MYO1D: variants seen among roughly 807,000 people sequenced by gnomAD.
The protein encoded by MYO1D is myosin ID.
Under a neutral mutation model 122.0 loss-of-function variants are expected in MYO1D, and 83 were observed. The observed-to-expected ratio is 0.68, with a 90% CI of 0.57 to 0.82. MYO1D has a LOEUF of 0.82. Ranked by LOEUF, MYO1D falls within the 40% of genes least tolerant of loss-of-function variation. The pLI, the probability that MYO1D is intolerant of heterozygous loss-of-function variation, is 0.00. For synonymous variants in MYO1D, 464 were observed against 446.9 expected (o/e 1.04, Z -0.48); for missense variants, 1,157 against 1,269.5 (o/e 0.91, Z 1.35).
intron 21 of MYO1D, among the ~76,000 whole-genome samples, chr17:32,547,336 A>T (rs1037625390): frequency 3.9e-5 from 6 of 152,242 alleles, no homozygotes; most frequent in African/African-American, 1.4e-4. Flanking sequence ...CAGGCAATTT[A>T]CATTATGTTT....
At chr17:32,534,374 T>G (rs1324605476) in intron 21 of MYO1D, among the ~76,000 whole-genome samples, 6 of 152,168 alleles carry the variant, frequency 3.9e-5, no homozygotes, top group Non-Finnish European at 4.4e-5. Flanking sequence ...GGTCTTGCTA[T>G]GTTGCCCAGG....
intron 21 of MYO1D, among the ~76,000 whole-genome samples, chr17:32,524,391 ACTTTTT>A (rs1228512044): frequency 5.3e-5 from 8 of 152,140 alleles, no homozygotes; most frequent in Non-Finnish European, 1.0e-4. Context: ...ACATTTCATT[ACTTTTT>A]CTTTTTTTTT....
intron 16 of MYO1D, among the ~76,000 whole-genome samples, chr17:32,669,499 G>A (rs1055680498): frequency 1.3e-5 from 2 of 151,904 alleles, no homozygotes; most frequent in Non-Finnish European, 2.9e-5. Flanking sequence ...ACTTCTTTAG[G>A]TTTTTCACTT....
chr17:32,754,264 TC>T (rs1431172722), intron 11 of MYO1D, among the ~76,000 whole-genome samples: 9 of 152,330 alleles, frequency 5.9e-5, no homozygotes, highest in African/African-American at 2.2e-4. Context: ...TTAGGTGACT[TC>T]TAACTTTGCC....
At position 32,876,959 on chromosome 17, in the gene MYO1D, G is replaced by T. The variant is rs532828167; in HGVS notation, c.-87C>A. 3 of 757,948 alleles carry T rather than the reference G, an allele frequency of 4.0e-6. No homozygotes were observed. Among genetic ancestry groups the T allele is most frequent in the Admixed American group, 4.7e-5 (1 of 21,374 alleles). 47.0% of individuals were successfully genotyped at this position (757,948 alleles called of 1,614,324 possible). On this transcript the variant is annotated 5_prime_UTR_variant, in exon 1 of 22. Transcript: ENST00000318217. ...CGATGAGCTCGGGAGGGGCCGGGGC[G>T]AGGCCGCGCCGCGAGGCTACGGGGA...
At position 32,683,523 on chromosome 17, in the gene MYO1D, T is replaced by G. The variant is rs576633744; in HGVS notation, c.2122-24185A>C. On this transcript the variant is annotated intron_variant, in intron 16 of 21. Coordinates refer to ENST00000318217, the MANE Select transcript of MYO1D (RefSeq NM_015194.3). ...AATACCCTGCCGTGTGAGGTGTCAG[T>G]GTGCCCCTGCTGGGGGGTGCCTCCC... Among the ~76,000 whole-genome samples, 252 of 152,160 alleles carry G rather than the reference T, an allele frequency of 1.7e-3. 3 individuals carry two copies. The highest frequency in any genetic ancestry group is 5.8e-3 in the African/African-American group (240 of 41,484).
At chr17:32,553,108 A>C (rs77412545) in intron 21 of MYO1D, among the ~76,000 whole-genome samples, 25,848 of 148,900 alleles carry the variant, frequency 0.17, 2,918 homozygotes, top group Admixed American at 0.28. Flanking sequence ...CAAAACAAAA[A>C]AAAAAACAAA....
chr17:32,545,770 A>AT lies in MYO1D; in HGVS notation c.2865-50856dup, dbSNP rs67044833. Among the ~76,000 whole-genome samples the AT allele has an allele frequency of 2.3e-3, 326 of 141,480 alleles. 4 individuals are homozygous for AT. The highest frequency in any genetic ancestry group is 5.4e-3 in the African/African-American group (202 of 37,496). 92.8% of individuals were successfully genotyped at this position (141,480 alleles called of 152,430 possible). On this transcript the variant is annotated intron_variant, in intron 21 of 21. Transcript: ENST00000318217. Reference sequence around the variant, plus strand: ...CTCCAATTTCTGAAGTATCCAGGTGATTTTTTTTTTTTTTGGGGTTCCACA... The same window carrying AT: ...CTCCAATTTCTGAAGTATCCAGGTGATTTTTTTTTTTTTTTGGGGTTCCACA...
chr17:32,676,986 A>G (rs1374997814), intron 16 of MYO1D, among the ~76,000 whole-genome samples: 1 of 151,666 alleles, frequency 6.6e-6, no homozygotes, highest in Non-Finnish European at 1.5e-5. Flanking sequence ...AATTTTTTGT[A>G]TTTTTAGTAG....
chr17:32,500,377 CA>C (rs1401569007), intron 21 of MYO1D, among the ~76,000 whole-genome samples: 7 of 152,318 alleles, frequency 4.6e-5, no homozygotes, highest in African/African-American at 1.7e-4. Context: ...CTTCTAAACA[CA>C]AAGTGGCCAG....
intron 21 of MYO1D, among the ~76,000 whole-genome samples, chr17:32,591,487 T>C (rs577220305): frequency 6.6e-6 from 1 of 152,288 alleles, no homozygotes; most frequent in Non-Finnish European, 1.5e-5. Context: ...AACAGGATCC[T>C]GGTTCTGTGT....
chr17:32,530,407 G>A (rs903648311), intron 21 of MYO1D, among the ~76,000 whole-genome samples: 1 of 152,172 alleles, frequency 6.6e-6, no homozygotes, highest in South Asian at 2.1e-4. Context: ...GATGAGAAGA[G>A]AAAAAATTAC....
At chr17:32,662,930 T>G (rs2088588454) in intron 16 of MYO1D, among the ~76,000 whole-genome samples, 1 of 150,792 alleles carries the variant, frequency 6.6e-6, no homozygotes, top group African/African-American at 2.4e-5. Context: ...TTTTTTTTTT[T>G]TTTTTGAGAC....
At chr17:32,761,324 C>T (rs1041655762) in intron 8 of MYO1D, among the ~76,000 whole-genome samples, 11 of 152,188 alleles carry the variant, frequency 7.2e-5, no homozygotes, top group Admixed American at 6.5e-4. Flanking sequence ...CACTTACATC[C>T]TATTACTCCA....
At chr17:32,539,276 T>TACACACACACACACACAC (rs5819986) in intron 21 of MYO1D, among the ~76,000 whole-genome samples, 3 of 133,516 alleles carry the variant, frequency 2.2e-5, no homozygotes, top group Admixed American at 1.5e-4. Context: ...ACCCTGTCTC[T>TACACACACACACACACAC]ACACACACAC....
intron 19 of MYO1D, among the ~76,000 whole-genome samples, chr17:32,641,567 C>T (rs1179749029): frequency 3.3e-5 from 5 of 152,272 alleles, no homozygotes; most frequent in Middle Eastern, 3.4e-3. Flanking sequence ...AAAAGTGTTC[C>T]TATTTCTCCA....
intron 20 of MYO1D, chr17:32,632,568 TATATATATATATATATATACAC>T (rs1169648363): frequency 2.1e-5 from 1 of 46,896 alleles, no homozygotes; most frequent in Non-Finnish European, 4.2e-5. Context: ...AAGTACTATA[TATATATATATATATATATACAC>T]ACACACACAC....
At chr17:32,737,298 G>T (rs929624230) in intron 14 of MYO1D, among the ~76,000 whole-genome samples, 3 of 151,318 alleles carry the variant, frequency 2.0e-5, no homozygotes, top group Non-Finnish European at 1.5e-5. Context: ...ACAGACAAAA[G>T]TTATCAAATA....
At chr17:32,777,173 T>A (rs2090181058) in intron 3 of MYO1D, among the ~76,000 whole-genome samples, 1 of 152,126 alleles carries the variant, frequency 6.6e-6, no homozygotes, top group Admixed American at 6.5e-5. Context: ...TTTACACATA[T>A]CCCTGTCCTT....
Sources: allele counts gnomAD v4.1 joint callset (sites outside exome capture counted in the v4.1 genomes callset), GRCh38; gene constraint gnomAD v4.1.1; transcripts MANE v1.5; gene names NCBI Gene and HGNC (gene_info 2026-07-23, HGNC 2026-07-21).